Variants in DOP1B observed in about 807,000 individuals in gnomAD.
DOP1B encodes protein DOP1B.
A neutral mutation model predicts 233.5 loss-of-function variants in DOP1B; 174 were observed. The ratio of observed to expected loss-of-function variants is 0.75; its 90% CI spans 0.66 to 0.85. DOP1B has a LOEUF of 0.85. Ranked by LOEUF, DOP1B falls within the 40% of genes least tolerant of loss-of-function variation. The pLI is 0.00. For synonymous variants in DOP1B, 1,190 were observed against 1,185.6 expected (o/e 1.00, Z -0.08); for missense variants, 2,652 against 2,846.6 (o/e 0.93, Z 1.56).
intron 23 of DOP1B, among the ~76,000 whole-genome samples, chr21:36,259,562 C>T (rs910331930): frequency 1.3e-5 from 2 of 152,122 alleles, no homozygotes; most frequent in Admixed American, 6.6e-5. Context: ...TGTGAGCCAC[C>T]GTGCCTGGCC....
chr21:36,217,031 C>T (rs1307731686), intron 9 of DOP1B, among the ~76,000 whole-genome samples: 1 of 145,108 alleles, frequency 6.9e-6, no homozygotes, highest in East Asian at 2.1e-4. Flanking sequence ...GCAGAGTTCA[C>T]ACCACTACAC....
chr21:36,247,131 C>T (rs1421877153), intron 19 of DOP1B, among the ~76,000 whole-genome samples: 7 of 152,170 alleles, frequency 4.6e-5, no homozygotes, highest in Admixed American at 6.6e-5. Flanking sequence ...CCCCCTGCCT[C>T]GGCCTCCCAA....
At chr21:36,194,487 C>CTTTT (rs369495001) in intron 2 of DOP1B, among the ~76,000 whole-genome samples, 15 of 81,296 alleles carry the variant, frequency 1.8e-4, no homozygotes, top group East Asian at 2.9e-4. Flanking sequence ...CTCTCTCTCT[C>CTTTT]TTTTTTTTTT....
rs141227229 is a variant in DOP1B, at chr21:36,230,833, G to A, written c.2049G>A (p.Glu683=). The part of the protein sequence containing the change: ...ANDSSRKNSW[E]PKPITVPQFK... ...ATTCCAGCAGGAAGAACTCTTGGGA[G>A]CCCAAGCCCATCACTGTGCCTCAGT... The change falls in exon 14 of 37, where the codon GAG becomes GAA. Residue 683 remains glutamate (E), a synonymous_variant. Transcript: ENST00000691173. 1.5e-5 allele frequency: 25 copies of A among 1,614,018 alleles called. No homozygotes were observed. The African/African-American group carries it at 3.3e-4, about 22-fold the overall frequency.
chr21:36,168,035 C>T (rs2065933314), intron 2 of DOP1B, among the ~76,000 whole-genome samples: 1 of 140,412 alleles, frequency 7.1e-6, no homozygotes, highest in South Asian at 2.4e-4. Flanking sequence ...CCTCCACCTT[C>T]TAGGTTGAAG....
chr21:36,251,729 C>A (rs2067034748), intron 22 of DOP1B, among the ~76,000 whole-genome samples: 1 of 152,160 alleles, frequency 6.6e-6, no homozygotes, highest in South Asian at 2.1e-4. Context: ...CCGATTTCAT[C>A]ATTTGAAATG....
chr21:36,164,461 C>CTTA (rs1175798666), intron 1 of DOP1B: 1 of 241,226 alleles, frequency 4.1e-6, no homozygotes, highest in Non-Finnish European at 7.9e-6. Context: ...TACTTGGAGC[C>CTTA]CTAGCACTTC....
chr21:36,292,611 G>GT (rs35069387), intron 36 of DOP1B, among the ~76,000 whole-genome samples: 2,252 of 124,682 alleles, frequency 0.018, 55 homozygotes, highest in African/African-American at 0.049. Context: ...TTGTTTTTGG[G>GT]TTTTTTTTTT....
At chr21:36,171,650 G>C (rs185119561) in intron 2 of DOP1B, among the ~76,000 whole-genome samples, 41 of 152,246 alleles carry the variant, frequency 2.7e-4, no homozygotes, top group African/African-American at 7.9e-4. Context: ...TCCTAGCAGC[G>C]GGGGGAGAGG....
At chr21:36,158,441 G>A (rs1473611090) in intron 1 of DOP1B, among the ~76,000 whole-genome samples, 1 of 152,106 alleles carries the variant, frequency 6.6e-6, no homozygotes, top group Non-Finnish European at 1.5e-5. Flanking sequence ...GCAATTTTCC[G>A]AATGGCCTGA....
intron 2 of DOP1B, among the ~76,000 whole-genome samples, chr21:36,192,356 C>CAAA (rs573970546): frequency 8.0e-6 from 1 of 125,226 alleles, no homozygotes; most frequent in African/African-American, 2.9e-5. Context: ...AAGACACTGT[C>CAAA]AAAAAAAAAA....
At chr21:36,256,455 C>T (rs1453633278) in intron 23 of DOP1B, among the ~76,000 whole-genome samples, 7 of 152,026 alleles carry the variant, frequency 4.6e-5, no homozygotes, top group Admixed American at 2.0e-4. Flanking sequence ...AAAGAAAATT[C>T]GTGCAATGGA....
At chr21:36,238,318 C>T (rs1300583424) in intron 16 of DOP1B, among the ~76,000 whole-genome samples, 3 of 152,302 alleles carry the variant, frequency 2.0e-5, no homozygotes, top group Non-Finnish European at 4.4e-5. Context: ...AAGCCATGCT[C>T]CTTTGTGTTT....
At chr21:36,279,913 T>A (rs1953054392) in intron 30 of DOP1B, among the ~76,000 whole-genome samples, 2 of 152,242 alleles carry the variant, frequency 1.3e-5, no homozygotes, top group African/African-American at 4.8e-5. Flanking sequence ...TTTGCTCTTG[T>A]TGCCCAGGCT....
At chr21:36,191,186 G>A (rs1031607388) in intron 2 of DOP1B, among the ~76,000 whole-genome samples, 7 of 151,718 alleles carry the variant, frequency 4.6e-5, no homozygotes, top group African/African-American at 1.5e-4. Flanking sequence ...GAAGAGTGTC[G>A]TTGGGGGAAG....
intron 18 of DOP1B, among the ~76,000 whole-genome samples, chr21:36,242,285 G>A (rs994812889): frequency 1.3e-5 from 2 of 151,770 alleles, no homozygotes; most frequent in Non-Finnish European, 1.5e-5. Context: ...CAATTCTCCT[G>A]CCTCAGCCTC....
At chr21:36,282,781 G>T (rs2067432759) in intron 32 of DOP1B, among the ~76,000 whole-genome samples, 2 of 152,134 alleles carry the variant, frequency 1.3e-5, no homozygotes, top group South Asian at 4.1e-4. Flanking sequence ...TTTGACATCA[G>T]CCTGCCCAAT....
intron 33 of DOP1B, 115 bp from the exon 34 acceptor site, chr21:36,288,641 A>AC: frequency 1.3e-6 from 1 of 785,154 alleles, no homozygotes; most frequent in Non-Finnish European, 2.1e-6. Context: ...ACAGAGTAAG[A>AC]CCCCGTCTTA....
intron 10 of DOP1B, among the ~76,000 whole-genome samples, 177 bp downstream of exon 10, chr21:36,219,669 C>T (rs912011809): frequency 6.6e-6 from 1 of 152,028 alleles, no homozygotes; most frequent in South Asian, 2.1e-4. Context: ...ATTGACTGTT[C>T]CCTACTGAGT....
Sources: gnomAD v4.1 joint callset for allele counts (sites outside exome capture counted in the v4.1 genomes callset) on GRCh38, gnomAD v4.1.1 for gene constraint, MANE v1.5 for transcripts, NCBI Gene and HGNC (gene_info 2026-07-23, HGNC 2026-07-21) for gene names.